Variants in ADSS1 observed in about 807,000 individuals in gnomAD.
ADSS1 encodes the protein adenylosuccinate synthetase isozyme 1.
ADSS1 carries 57 observed loss-of-function variants against 59.1 expected under a neutral mutation model. The observed-to-expected ratio is 0.97, with a 90% CI of 0.78 to 1.20. The LOEUF (loss-of-function observed/expected upper bound fraction) is 1.20. Ranked by LOEUF, ADSS1 falls within the 50% of genes most tolerant of loss-of-function variation. ADSS1 has a pLI of 0.00. For missense variants in ADSS1, 603 were observed against 610.3 expected, an observed-to-expected ratio of 0.99 and a Z score of 0.13; for synonymous variants, 247 against 249.4, an observed-to-expected ratio of 0.99 and a Z score of 0.09.
At chr14:104,724,603 C>T in intron 1 of ADSS1, 141 bp downstream of exon 1, 1 of 1,104,506 alleles carries the variant, frequency 9.1e-7, no homozygotes, top group Non-Finnish European at 1.1e-6. Flanking sequence ...TTTCCCAGGG[C>T]CACCCCACCC....
Position 104,730,226 on chromosome 14 carries a change from G to T in ADSS1, c.193-4794G>T. The T allele has an allele frequency of 4.0e-6, 6 of 1,486,170 alleles. No homozygotes were observed. The South Asian group carries it at 6.6e-5, about 16-fold the overall frequency. The allele number at this position is 1,486,170 out of a possible 1,614,324, so 92.1% of individuals were successfully genotyped here. A position where few individuals can be genotyped will look rare whatever the true frequency, so the allele number is the denominator to read the frequency against. On this transcript the variant is annotated intron_variant, in intron 1 of 12. Coordinates refer to ENST00000330877, the MANE Select transcript of ADSS1 (RefSeq NM_152328.5). The stretch of plus-strand genomic sequence containing the variant: ...TGGAGGGGAGCGGGTGGGTGCGGTG[G>T]CGTACATCTGTAACTCCAGCACTTT...
intron 1 of ADSS1, among the ~76,000 whole-genome samples, chr14:104,725,593 C>A (rs544803789): frequency 1.3e-5 from 2 of 152,180 alleles, no homozygotes; most frequent in Admixed American, 6.5e-5. Context: ...GGGACCTCCC[C>A]CCTTGCTCTC....
chr14:104,734,950 G>A, intron 1 of ADSS1, 70 bp from the exon 2 acceptor site: 1 of 1,371,170 alleles, frequency 7.3e-7, no homozygotes, highest in Non-Finnish European at 1.0e-6. Context: ...GAAGCCCCAT[G>A]TGGGTCAGTC....
At chr14:104,739,069 T>C (rs1010643515) in intron 3 of ADSS1, among the ~76,000 whole-genome samples, 1 of 152,096 alleles carries the variant, frequency 6.6e-6, no homozygotes, top group African/African-American at 2.4e-5. Context: ...CTTCCCAGCC[T>C]GGAGTGGGCG....
intron 1 of ADSS1, among the ~76,000 whole-genome samples, chr14:104,726,173 T>C (rs916779795): frequency 1.3e-5 from 2 of 152,220 alleles, no homozygotes; most frequent in Non-Finnish European, 2.9e-5. Flanking sequence ...GGTTTGTCCC[T>C]GGAGCCCACA....
chr14:104,744,758 C>T, intron 10 of ADSS1, 54 bp from the exon 11 acceptor site: 4 of 1,565,392 alleles, frequency 2.6e-6, no homozygotes, highest in African/African-American at 1.3e-5. Context: ...GCGGAAGAAA[C>T]CCCAGCACTG....
At chr14:104,730,044 C>T (rs1238437008) in intron 1 of ADSS1, 1 of 1,576,898 alleles carries the variant, frequency 6.3e-7, no homozygotes, top group African/African-American at 1.4e-5. Context: ...AGTGGCCACT[C>T]CGTGCCAGCT....
chr14:104,731,812 G>A (rs1191669564), intron 1 of ADSS1, among the ~76,000 whole-genome samples: 1 of 152,198 alleles, frequency 6.6e-6, no homozygotes, highest in Admixed American at 6.5e-5. Flanking sequence ...CTCGGCACTG[G>A]GGGGATGGTG....
chr14:104,731,743 T>C (rs1890939024), intron 1 of ADSS1, among the ~76,000 whole-genome samples: 3 of 152,230 alleles, frequency 2.0e-5, no homozygotes, highest in Admixed American at 2.0e-4. Flanking sequence ...CTGGCTCTTC[T>C]GCCCATCACT....
intron 1 of ADSS1, among the ~76,000 whole-genome samples, chr14:104,732,131 C>T (rs925020603): frequency 6.6e-6 from 1 of 152,218 alleles, no homozygotes; most frequent in Non-Finnish European, 1.5e-5. Context: ...TTGGTCCCTC[C>T]TCATCGGCCA....
Position 104,739,378 on chromosome 14 carries a change from G to T in ADSS1, c.409G>T (p.Val137Leu). 1 of 1,605,024 alleles carries T rather than the reference G, an allele frequency of 6.2e-7. No homozygotes were observed. The highest frequency in any genetic ancestry group is 1.3e-5 in the African/African-American group (1 of 74,912). ...RLIISDRAHLVFDFHQAVDGL... is the reference protein window; with the variant it reads ...RLIISDRAHLLFDFHQAVDGL... ...CATCATCTCTGACAGAGCCCACCTT[G>T]GTACGTTTCCCACTGGAGTACAGGG... Residue 137 changes from valine (V) to leucine (L), a missense_variant and splice_region_variant, in exon 4 of 13, where the codon GTG becomes TTG. Val to Leu is a conservative substitution (Grantham distance 32). Transcript: ENST00000330877.
At position 104,731,831 on chromosome 14, in the gene ADSS1, C is replaced by T. The variant is rs147891296; in HGVS notation, c.193-3189C>T. 3.3e-3 allele frequency among the ~76,000 whole-genome samples: 505 copies of T among 152,232 alleles called. 3 individuals are homozygous for T. The highest frequency in any genetic ancestry group is 0.012 in the African/African-American group (479 of 41,538). On this transcript the variant is annotated intron_variant, in intron 1 of 12. Coordinates refer to ENST00000330877, the MANE Select transcript of ADSS1 (RefSeq NM_152328.5). ...GCACTGGGGGGATGGTGACAGGACT[C>T]GGGGCTCAGGGCCGGGCTGCCTGGA... is the stretch of plus-strand genomic sequence containing the variant.
chr14:104,740,809 AGG>A lies in ADSS1; in HGVS notation c.585-26_585-25del, dbSNP rs772243718. On this transcript the variant is annotated intron_variant, in intron 6 of 12. Coordinates refer to ENST00000330877, the MANE Select transcript of ADSS1 (RefSeq NM_152328.5). This position sits in a 1 kb window ranked among gnomAD's most constrained non-coding sequence, Gnocchi z 4.8. ...CCTGAGGACCAGCATGGACCATGAC[AGG>A]GGGTGATGATGACTGTCCCTTGTGC... 1.3e-6 allele frequency: 2 copies of A among 1,595,086 alleles called. No homozygotes were observed. Among genetic ancestry groups the A allele is most frequent in the Non-Finnish European group, 1.7e-6 (2 of 1,178,106 alleles).
intron 12 of ADSS1, 113 bp downstream of exon 12, chr14:104,746,498 G>C (rs566077857): frequency 7.2e-6 from 10 of 1,380,674 alleles, no homozygotes; most frequent in Non-Finnish European, 9.7e-6. Flanking sequence ...GTCACCAAGC[G>C]AATATATTGC....
intron 1 of ADSS1, among the ~76,000 whole-genome samples, chr14:104,729,556 G>A (rs1890829410): frequency 8.1e-6 from 1 of 122,700 alleles, no homozygotes; most frequent in African/African-American, 3.4e-5. Context: ...CGTGGCGTCG[G>A]CGTGGTGGGG....
Position 104,736,084 on chromosome 14 carries a change from G to A in ADSS1, c.295+962G>A, listed in dbSNP as rs532710404. Among the ~76,000 whole-genome samples, 14 of 152,358 alleles carry A rather than the reference G, an allele frequency of 9.2e-5. No individual in the cohort carries two copies. In the South Asian group the frequency reaches 2.7e-3, roughly 29 times the overall value. ...GGAGGAAGATAGCGCGGAGGTGGCT[G>A]CCGCAGGGGCCATGTGTGGTCAGGG... On this transcript the variant is annotated intron_variant, in intron 2 of 12. Transcript: ENST00000330877.
At chr14:104,739,619 T>G in intron 4 of ADSS1, 131 bp from the exon 5 acceptor site, 3 of 1,082,088 alleles carry the variant, frequency 2.8e-6, no homozygotes, top group Non-Finnish European at 4.1e-6. Flanking sequence ...ACACCCCAGT[T>G]TGTCCTCTTT....
chr14:104,742,937 G>A (rs1891422682), intron 9 of ADSS1, 130 bp from the exon 10 acceptor site: 14 of 1,352,860 alleles, frequency 1.0e-5, no homozygotes, highest in Non-Finnish European at 1.4e-5. Context: ...TGGATGTAAG[G>A]ACTGTCGGTG....
At chr14:104,725,604 C>T (rs1043192639) in intron 1 of ADSS1, among the ~76,000 whole-genome samples, 7 of 152,278 alleles carry the variant, frequency 4.6e-5, no homozygotes, top group East Asian at 1.9e-4. Flanking sequence ...CCTTGCTCTC[C>T]GTCCTAAGCA....
Sources: gnomAD v4.1 joint callset for allele counts (sites outside exome capture counted in the v4.1 genomes callset) on GRCh38, gnomAD v4.1.1 for gene constraint, Gnocchi (gnomAD v3.1) non-coding constraint, MANE v1.5 for transcripts, NCBI Gene and HGNC (gene_info 2026-07-23, HGNC 2026-07-21) for gene names.